The following KCNN2 variants were observed in gnomAD, a reference collection of about 807,000 sequenced individuals.
The protein encoded by KCNN2 is small conductance calcium-activated potassium channel protein 2.
In KCNN2, 24 loss-of-function variants were observed where a neutral mutation model predicts 55.5. That is an observed-to-expected ratio of 0.43 (90% confidence interval 0.31 to 0.61). The LOEUF is 0.61. Among genes scored for constraint, KCNN2 ranks in the 20% least tolerant of loss-of-function variants. KCNN2 has a pLI of 0.08. For missense variants in KCNN2, 754 were observed against 853.6 expected (o/e 0.88, Z 1.45); for synonymous variants, 431 against 336.1 (o/e 1.28, Z -3.09).
At chr5:114,271,250 G>C (rs908674760) in intron 2 of KCNN2, among the ~76,000 whole-genome samples, 1 of 152,050 alleles carries the variant, frequency 6.6e-6, no homozygotes, top group Non-Finnish European at 1.5e-5. Context: ...CCTTTACCTA[G>C]TCAGAAAAGT....
chr5:114,165,758 T>C (rs964758378), intron 1 of KCNN2, among the ~76,000 whole-genome samples: 5 of 152,202 alleles, frequency 3.3e-5, no homozygotes, highest in African/African-American at 1.2e-4. Flanking sequence ...ATATAATACA[T>C]GTAACATACA....
intron 2 of KCNN2, among the ~76,000 whole-genome samples, chr5:114,366,002 T>G (rs1453083732): frequency 6.6e-6 from 1 of 151,942 alleles, no homozygotes; most frequent in Non-Finnish European, 1.5e-5. Flanking sequence ...TATTGGGAGA[T>G]TTTTTGAAGT....
intron 2 of KCNN2, among the ~76,000 whole-genome samples, chr5:114,313,139 CA>C (rs1425004249): frequency 2.6e-5 from 4 of 152,206 alleles, no homozygotes; most frequent in African/African-American, 9.6e-5. Context: ...ATCATTCAGA[CA>C]TTTATTCTGA....
At chr5:114,493,282 A>C in intron 6 of KCNN2, 121 bp from the exon 7 acceptor site, 1 of 762,484 alleles carries the variant, frequency 1.3e-6, no homozygotes, top group East Asian at 2.5e-5. Context: ...ACTTACCCCA[A>C]ATGTTCAAGG....
At position 114,362,937 on chromosome 5, in the gene KCNN2, C is replaced by CGCCGCCGCCGCCGCT; in HGVS notation, c.809_810insCGCTGCCGCCGCCGC (p.Ala266_Ala270dup). 6.5e-7 allele frequency: 1 copy of CGCCGCCGCCGCCGCT among 1,547,124 alleles called. No individual in the cohort carries two copies. Among genetic ancestry groups the CGCCGCCGCCGCCGCT allele is most frequent in the Non-Finnish European group, 8.8e-7 (1 of 1,140,754 alleles). On this transcript the variant is annotated inframe_insertion, in exon 1 of 8. Coordinates refer to ENST00000673685, the MANE Select transcript of KCNN2 (RefSeq NM_021614.4). ...CGTCCTCCCCGTCTGCAGCCGCTGC[C>CGCCGCCGCCGCCGCT]GCCGCCGCCGCTGTTTCGTCCTCAG...
chr5:114,356,506 T>A (rs918034333), intron 2 of KCNN2, among the ~76,000 whole-genome samples: 8 of 152,152 alleles, frequency 5.3e-5, no homozygotes, highest in Admixed American at 2.0e-4. Context: ...AAACTCAGTA[T>A]GAGTTTTACT....
chr5:114,403,168 T>C (rs1419479833), intron 2 of KCNN2, among the ~76,000 whole-genome samples: 1 of 152,216 alleles, frequency 6.6e-6, no homozygotes, highest in African/African-American at 2.4e-5. Context: ...AATAACTTTA[T>C]TGGAACTCAG....
chr5:114,088,477 A>AT (rs1464406423), intron 1 of KCNN2, among the ~76,000 whole-genome samples: 3 of 149,222 alleles, frequency 2.0e-5, no homozygotes, highest in African/African-American at 7.4e-5. Flanking sequence ...AGCTCTGTCC[A>AT]TTTTTTTTCC....
At chr5:114,352,475 A>ATAAAGTAATATGTTACTTTTCTCT (rs1561581512) in intron 2 of KCNN2, among the ~76,000 whole-genome samples, 2 of 147,062 alleles carry the variant, frequency 1.4e-5, no homozygotes, top group South Asian at 2.2e-4. Flanking sequence ...TTCTTTTCTC[A>ATAAAGTAATATGTTACTTTTCTCT]TAAAGTAATA....
chr5:114,158,977 T>C (rs1752702558), intron 1 of KCNN2, among the ~76,000 whole-genome samples: 1 of 152,204 alleles, frequency 6.6e-6, no homozygotes, highest in South Asian at 2.1e-4. Flanking sequence ...CCTCTTTTCC[T>C]AATTGAATAC....
Position 114,203,970 on chromosome 5 carries a change from T to C in KCNN2, c.-270-17510T>C, listed in dbSNP as rs187945351. Among the ~76,000 whole-genome samples the C allele has an allele frequency of 2.9e-3, 439 of 152,316 alleles. 2 individuals are homozygous for C. Among genetic ancestry groups the C allele is most frequent in the Non-Finnish European group, 5.1e-3 (344 of 68,024 alleles). On this transcript the variant is annotated intron_variant, in intron 1 of 10. Coordinates refer to the KCNN2 transcript ENST00000512097. ...TTTAGTTCTGCAGAAAATGAATCCC[T>C]GATTTCATTCATTTCAAGCTTAAAA... is the stretch of plus-strand genomic sequence containing the variant.
intron 2 of KCNN2, among the ~76,000 whole-genome samples, chr5:114,369,138 C>T (rs950281902): frequency 1.6e-4 from 25 of 152,148 alleles, no homozygotes; most frequent in African/African-American, 6.0e-4. Context: ...GAAAGGCCGT[C>T]AGAGTTTATG....
At chr5:114,203,700 G>C (rs1450978140) in intron 1 of KCNN2, among the ~76,000 whole-genome samples, 1 of 152,160 alleles carries the variant, frequency 6.6e-6, no homozygotes, top group Non-Finnish European at 1.5e-5. Flanking sequence ...TTCTGCACCA[G>C]CTACATCTGC....
intron 1 of KCNN2, among the ~76,000 whole-genome samples, chr5:114,198,738 G>T (rs1753611404): frequency 6.6e-6 from 1 of 151,626 alleles, no homozygotes; most frequent in Admixed American, 6.6e-5. Context: ...GTATAGTCTT[G>T]GGAGTTCCTC....
chr5:114,348,078 TGCA>T (rs1039879905), intron 2 of KCNN2, among the ~76,000 whole-genome samples: 1 of 152,162 alleles, frequency 6.6e-6, no homozygotes, highest in Non-Finnish European at 1.5e-5. Context: ...CCAAACCACA[TGCA>T]GCAGGCTGCA....
chr5:114,278,479 G>T (rs181780988), intron 2 of KCNN2, among the ~76,000 whole-genome samples: 4 of 152,234 alleles, frequency 2.6e-5, no homozygotes, highest in Non-Finnish European at 4.4e-5. Flanking sequence ...GAGGCAATAC[G>T]CCTTGCTGAG....
chr5:114,342,114 G>A (rs36933), intron 2 of KCNN2, among the ~76,000 whole-genome samples: 151,791 of 151,896 alleles, frequency 1, 75,843 homozygotes, highest in South Asian at 1. Flanking sequence ...TGTTAGCCAG[G>A]ATGGTCTCGA....
chr5:114,479,048 A>G (rs1187572007), intron 5 of KCNN2, among the ~76,000 whole-genome samples: 1 of 150,110 alleles, frequency 6.7e-6, no homozygotes, highest in East Asian at 2.3e-4. Context: ...ACACAGAGCA[A>G]TAGTAACCTT....
chr5:114,099,967 G>A (rs144117350), intron 1 of KCNN2, among the ~76,000 whole-genome samples: 35 of 151,980 alleles, frequency 2.3e-4, no homozygotes, highest in African/African-American at 8.4e-4. Flanking sequence ...GATATGAGAT[G>A]CTCAATGTAT....
Sources: allele counts gnomAD v4.1 joint callset (sites outside exome capture counted in the v4.1 genomes callset), GRCh38; gene constraint gnomAD v4.1.1; transcripts MANE v1.5; gene names NCBI Gene and HGNC (gene_info 2026-07-23, HGNC 2026-07-21).